Variants in GRXCR1 observed in about 807,000 individuals in gnomAD.
GRXCR1 encodes the protein glutaredoxin and cysteine rich domain containing 1.
In GRXCR1, 27 loss-of-function variants were observed where a neutral mutation model predicts 27.3. The observed-to-expected ratio is 0.99, with a 90% confidence interval of 0.73 to 1.37. The LOEUF (loss-of-function observed/expected upper bound fraction) is 1.37, where lower values mean the gene tolerates loss of function less well. GRXCR1 is among the 40% of genes most tolerant of loss of function. The pLI, the probability that GRXCR1 is intolerant of heterozygous loss-of-function variation, is 0.00. For synonymous variants in GRXCR1, 122 were observed against 131.1 expected (o/e 0.93, Z 0.47); for missense variants, 379 against 354.4 (o/e 1.07, Z -0.56).
chr4:43,017,489 C>T (rs1712964796), intron 2 of GRXCR1, among the ~76,000 whole-genome samples: 1 of 152,094 alleles, frequency 6.6e-6, no homozygotes, highest in South Asian at 2.1e-4. Flanking sequence ...TGAGATAGTT[C>T]CTTTCTTAAA....
chr4:42,982,117 C>T (rs1748686553), intron 2 of GRXCR1, among the ~76,000 whole-genome samples: 1 of 151,152 alleles, frequency 6.6e-6, no homozygotes. Flanking sequence ...AAGTTAGTTA[C>T]ATATGTATAC....
intron 1 of GRXCR1, among the ~76,000 whole-genome samples, chr4:42,944,618 G>T (rs1369867380): frequency 6.6e-6 from 1 of 151,954 alleles, no homozygotes; most frequent in Admixed American, 6.6e-5. Flanking sequence ...AAATCACCTT[G>T]CTACAGAGTA....
intron 2 of GRXCR1, among the ~76,000 whole-genome samples, chr4:42,977,293 C>G (rs549974177): frequency 1.3e-5 from 2 of 151,804 alleles, no homozygotes; most frequent in Admixed American, 6.6e-5. Flanking sequence ...GTGTAGATAT[C>G]TCTTTGACAT....
intron 1 of GRXCR1, among the ~76,000 whole-genome samples, chr4:42,943,980 T>C (rs1747684241): frequency 6.6e-6 from 1 of 152,078 alleles, no homozygotes; most frequent in African/African-American, 2.4e-5. Context: ...AACTGTATTC[T>C]AGGTATCAGT....
chr4:43,006,879 C>A (rs564532305), intron 2 of GRXCR1, among the ~76,000 whole-genome samples: 1 of 152,048 alleles, frequency 6.6e-6, no homozygotes, highest in Admixed American at 6.6e-5. Context: ...CCCCGGACAC[C>A]CAGCTTTAAA....
intron 1 of GRXCR1, among the ~76,000 whole-genome samples, chr4:42,932,603 TATATATATATATATATAGAGAGAGAG>T (rs1227511069): frequency 1.7e-3 from 98 of 59,322 alleles, no homozygotes; most frequent in Non-Finnish European, 1.9e-3. Context: ...TATATATATA[TATATATATATATATATAGAGAGAGAG>T]AGAGAGAGAG....
intron 2 of GRXCR1, among the ~76,000 whole-genome samples, chr4:43,009,733 G>A (rs1197344764): frequency 6.6e-6 from 1 of 151,922 alleles, no homozygotes. Flanking sequence ...TCAGGGCTCT[G>A]CCTTCATAAC....
rs374281481 is a variant in GRXCR1 at position 42,892,805 on chromosome 4, G to T, written c.-462G>T. ...TAAGTCCTGTGAGAAAACTGTGACTGCTCTTATCCTACAAACTTGGTTCCA... is the reference window on the plus strand; with the variant it reads ...TAAGTCCTGTGAGAAAACTGTGACTTCTCTTATCCTACAAACTTGGTTCCA... On this transcript the variant is annotated 5_prime_UTR_variant, in exon 1 of 4. Transcript: ENST00000399770. Among the ~76,000 whole-genome samples, 61 of 152,192 alleles carry T rather than the reference G, an allele frequency of 4.0e-4. 1 individual carries two copies. In the South Asian group the frequency reaches 0.01, roughly 25 times the overall value.
intron 1 of GRXCR1, among the ~76,000 whole-genome samples, chr4:42,935,570 G>A (rs34249601): frequency 6.6e-6 from 1 of 151,884 alleles, no homozygotes; most frequent in Admixed American, 6.6e-5. Context: ...CAATGTCTTA[G>A]GCGAGTAAGA....
chr4:42,957,015 C>A (rs1748020352), intron 1 of GRXCR1, among the ~76,000 whole-genome samples: 1 of 151,990 alleles, frequency 6.6e-6, no homozygotes, highest in Non-Finnish European at 1.5e-5. Flanking sequence ...AATACCATTC[C>A]ATTTTTCCCT....
At position 42,996,140 on chromosome 4, in the gene GRXCR1, G is replaced by A. The variant is rs569171653; in HGVS notation, c.628-24214G>A. 2.6e-5 allele frequency among the ~76,000 whole-genome samples: 4 copies of A among 152,198 alleles called. No individual in the cohort carries two copies. In the East Asian group the frequency reaches 7.7e-4, roughly 29 times the overall value. On this transcript the variant is annotated intron_variant, in intron 2 of 3. Transcript: ENST00000399770. ...AAGTATGTTTTAAAGATGAAATTTAGAGGTCAAAATGATTTTATTAGAAGC... is the reference window on the plus strand; with the variant it reads ...AAGTATGTTTTAAAGATGAAATTTAAAGGTCAAAATGATTTTATTAGAAGC...
Position 42,893,143 on chromosome 4 carries a change from T to A in GRXCR1, c.-124T>A. The A allele has an allele frequency of 1.0e-6, 1 of 1,001,622 alleles. No homozygotes were observed. The highest frequency in any genetic ancestry group is 1.6e-6 in the Non-Finnish European group (1 of 628,072). The allele number at this position is 1,001,622 out of a possible 1,614,324, so 62.0% of individuals were successfully genotyped here. On this transcript the variant is annotated 5_prime_UTR_variant, in exon 1 of 4. An upstream start codon of the reference 5' UTR is lost. Transcript: ENST00000399770. ...CCTTGGGAATCTTCTTTCCTTTTGA[T>A]GTTAGTTTCACAGGAGTGCTGCCAT... is the stretch of plus-strand genomic sequence containing the variant.
At chr4:42,910,446 A>G (rs1480673680) in intron 1 of GRXCR1, among the ~76,000 whole-genome samples, 1 of 152,158 alleles carries the variant, frequency 6.6e-6, no homozygotes, top group African/African-American at 2.4e-5. Flanking sequence ...TCATTTTTCT[A>G]AAGAGCTGCC....
intron 1 of GRXCR1, among the ~76,000 whole-genome samples, chr4:42,936,191 G>A (rs1436186236): frequency 6.6e-6 from 1 of 151,748 alleles, no homozygotes; most frequent in Non-Finnish European, 1.5e-5. Flanking sequence ...AAATGAGATG[G>A]TCAATTTTTA....
At position 43,030,630 on chromosome 4, in the gene GRXCR1, G is replaced by A; in HGVS notation, c.*90G>A. 1 of 1,023,858 alleles carries A rather than the reference G, an allele frequency of 9.8e-7. No individual in the cohort carries two copies. The highest frequency in any genetic ancestry group is 2.6e-5 in the East Asian group (1 of 38,274). 63.4% of individuals were successfully genotyped at this position (1,023,858 alleles called of 1,614,324 possible). On this transcript the variant is annotated 3_prime_UTR_variant, in exon 4 of 4. Transcript: ENST00000399770. ...ATATTTTTAAATGGTTATGTTTATG[G>A]ATTAATCAATAAACTTTGTTTATTA...
intron 2 of GRXCR1, among the ~76,000 whole-genome samples, chr4:43,014,885 A>G (rs1336963899): frequency 1.3e-5 from 2 of 152,218 alleles, no homozygotes; most frequent in South Asian, 2.1e-4. Flanking sequence ...GTGCCCGAAG[A>G]AGTCATAGCC....
intron 1 of GRXCR1, among the ~76,000 whole-genome samples, chr4:42,927,070 G>A (rs1045792536): frequency 2.6e-5 from 4 of 151,858 alleles, no homozygotes; most frequent in Non-Finnish European, 4.4e-5. Context: ...TTACCCATAT[G>A]CCACCATTGA....
intron 2 of GRXCR1, among the ~76,000 whole-genome samples, chr4:42,965,089 T>C (rs965153152): frequency 2.0e-5 from 3 of 152,068 alleles, no homozygotes; most frequent in Non-Finnish European, 4.4e-5. Context: ...TCTCACTACT[T>C]CTGAGACAAT....
intron 3 of GRXCR1, among the ~76,000 whole-genome samples, chr4:43,023,568 G>A (rs1480057051): frequency 6.6e-6 from 1 of 152,166 alleles, no homozygotes; most frequent in Non-Finnish European, 1.5e-5. Flanking sequence ...CTTCTATGGA[G>A]ATCTGGTCTC....
Sources: allele counts gnomAD v4.1 joint callset (sites outside exome capture counted in the v4.1 genomes callset), GRCh38; gene constraint gnomAD v4.1.1; transcripts MANE v1.5; gene names NCBI Gene and HGNC (gene_info 2026-07-23, HGNC 2026-07-21).